Variants in PDE4D observed in about 807,000 individuals in gnomAD.
PDE4D encodes phosphodiesterase 4D.
PDE4D carries 24 observed loss-of-function variants against 87.4 expected under a neutral mutation model. That is an observed-to-expected ratio of 0.27 (90% CI 0.20 to 0.39). The LOEUF (loss-of-function observed/expected upper bound fraction) is 0.39. Among genes scored for constraint, PDE4D ranks in the 10% least tolerant of loss-of-function variants. PDE4D has a pLI of 1.00. For synonymous variants in PDE4D, 384 were observed against 383.2 expected, an observed-to-expected ratio of 1.00 and a Z score of -0.02; for missense variants, 714 against 1,041.0, an observed-to-expected ratio of 0.69 and a Z score of 4.32.
At chr5:59,194,617 GA>G (rs1745045122) in intron 2 of PDE4D, among the ~76,000 whole-genome samples, 1 of 152,044 alleles carries the variant, frequency 6.6e-6, no homozygotes, top group Non-Finnish European at 1.5e-5. Flanking sequence ...GCAGAAGAAG[GA>G]AAAAACAATG....
At chr5:60,297,608 A>G (rs1003773596) in intron 1 of PDE4D, among the ~76,000 whole-genome samples, 1 of 152,234 alleles carries the variant, frequency 6.6e-6, no homozygotes, top group Non-Finnish European at 1.5e-5. Context: ...ATTTTATTAT[A>G]CATTCTATCC....
intron 2 of PDE4D, among the ~76,000 whole-genome samples, chr5:60,126,566 C>G (rs1333616715): frequency 6.6e-6 from 1 of 152,176 alleles, no homozygotes; most frequent in Non-Finnish European, 1.5e-5. Context: ...TTCTAAATAG[C>G]AACCTTATGT....
At chr5:59,921,458 C>T (rs771757431) in intron 3 of PDE4D, among the ~76,000 whole-genome samples, 4 of 151,776 alleles carry the variant, frequency 2.6e-5, no homozygotes, top group South Asian at 2.1e-4. Context: ...GTGCCAGATA[C>T]GCAATATTGA....
chr5:60,292,956 A>T (rs1032733309), intron 1 of PDE4D, among the ~76,000 whole-genome samples: 2 of 152,100 alleles, frequency 1.3e-5, no homozygotes, highest in African/African-American at 2.4e-5. Flanking sequence ...GATCATGTAT[A>T]TTGGAGAACT....
intron 1 of PDE4D, among the ~76,000 whole-genome samples, chr5:59,817,495 C>G (rs1470779292): frequency 6.6e-6 from 1 of 152,102 alleles, no homozygotes; most frequent in Non-Finnish European, 1.5e-5. Flanking sequence ...GTATTGCGTC[C>G]CTCACCCCAA....
intron 1 of PDE4D, among the ~76,000 whole-genome samples, chr5:59,302,859 CT>C (rs1226830897): frequency 2.0e-5 from 3 of 152,174 alleles, no homozygotes; most frequent in African/African-American, 7.2e-5. Flanking sequence ...GTACAAGTGT[CT>C]TTTTCAAATA....
chr5:59,874,595 T>C (rs898868493), intron 1 of PDE4D, among the ~76,000 whole-genome samples: 2 of 152,180 alleles, frequency 1.3e-5, no homozygotes, highest in South Asian at 4.1e-4. Flanking sequence ...AAATAAAGTA[T>C]TGGGAGAATA....
At chr5:59,988,746 T>A in intron 2 of PDE4D, 2 of 1,305,700 alleles carry the variant, frequency 1.5e-6, no homozygotes, top group Non-Finnish European at 2.2e-6. Flanking sequence ...AAAGTACATA[T>A]AATCAACAAA....
intron 1 of PDE4D, among the ~76,000 whole-genome samples, chr5:59,261,187 A>G (rs1172787229): frequency 1.3e-5 from 2 of 151,854 alleles, no homozygotes; most frequent in African/African-American, 4.8e-5. Context: ...CCTTAAGGGC[A>G]GGCCTTTTAA....
intron 1 of PDE4D, among the ~76,000 whole-genome samples, chr5:60,242,236 G>A (rs1322348241): frequency 6.6e-6 from 1 of 151,992 alleles, no homozygotes; most frequent in African/African-American, 2.4e-5. Context: ...GAAAAAGAAG[G>A]TCATTATATA....
rs972201598 is a variant in PDE4D at position 58,974,630 on chromosome 5, T to C, written c.*34A>G. ...GCACTTTGGAAACAATTTTTCTACT[T>C]AAAAAAAAAAAAGGCATGAAAGTTT... On this transcript the variant is annotated 3_prime_UTR_variant, in exon 15 of 15. Transcript: ENST00000340635. The C allele has an allele frequency of 2.4e-6, 3 of 1,233,024 alleles. No individual in the cohort carries two copies. Among genetic ancestry groups the C allele is most frequent in the Non-Finnish European group, 2.2e-6 (2 of 910,046 alleles). 76.4% of individuals were successfully genotyped at this position (1,233,024 alleles called of 1,614,324 possible).
At chr5:59,218,563 T>C (rs1404298793) in intron 1 of PDE4D, among the ~76,000 whole-genome samples, 2 of 152,152 alleles carry the variant, frequency 1.3e-5, no homozygotes, top group East Asian at 1.9e-4. Flanking sequence ...TGAGATATTC[T>C]AGGGGCTTTA....
chr5:59,784,394 C>G (rs947506871), intron 1 of PDE4D, among the ~76,000 whole-genome samples: 1 of 152,068 alleles, frequency 6.6e-6, no homozygotes, highest in Admixed American at 6.5e-5. Flanking sequence ...CCTCTCAATT[C>G]TTTCTGATTG....
chr5:59,496,431 G>C (rs1350664191), intron 1 of PDE4D, among the ~76,000 whole-genome samples: 1 of 152,136 alleles, frequency 6.6e-6, no homozygotes, highest in Non-Finnish European at 1.5e-5. Flanking sequence ...GCACAGGCCT[G>C]GGGGTGGAGC....
chr5:60,101,011 T>A (rs1013058100), intron 2 of PDE4D, among the ~76,000 whole-genome samples: 2 of 152,120 alleles, frequency 1.3e-5, no homozygotes, highest in South Asian at 4.1e-4. Context: ...AACAAAATGA[T>A]CATGTTCCTA....
chr5:59,835,619 TTA>T (rs907912015), intron 1 of PDE4D, among the ~76,000 whole-genome samples: 3 of 152,022 alleles, frequency 2.0e-5, no homozygotes, highest in Non-Finnish European at 4.4e-5. Flanking sequence ...AATAATAAAT[TTA>T]TGTTAATAAG....
intron 1 of PDE4D, among the ~76,000 whole-genome samples, chr5:59,619,103 T>C (rs1247754799): frequency 6.6e-6 from 1 of 152,184 alleles, no homozygotes; most frequent in Non-Finnish European, 1.5e-5. Flanking sequence ...GAAACTGATA[T>C]GACTTGACAA....
chr5:59,339,764 C>T (rs1000138093), intron 1 of PDE4D, among the ~76,000 whole-genome samples: 2 of 152,124 alleles, frequency 1.3e-5, no homozygotes, highest in Admixed American at 6.5e-5. Flanking sequence ...ATGTTGGTGT[C>T]TTAGCCTCAG....
At chr5:60,029,553 T>G (rs1766995048) in intron 2 of PDE4D, among the ~76,000 whole-genome samples, 2 of 152,228 alleles carry the variant, frequency 1.3e-5, no homozygotes, top group African/African-American at 4.8e-5. Flanking sequence ...AGCTATGCCC[T>G]AACCACCTTG....
Sources: gnomAD v4.1 joint callset for allele counts (sites outside exome capture counted in the v4.1 genomes callset) on GRCh38, gnomAD v4.1.1 for gene constraint, MANE v1.5 for transcripts, NCBI Gene and HGNC (gene_info 2026-07-23, HGNC 2026-07-21) for gene names.